The following HIP1 variants were observed in gnomAD, a reference collection of about 807,000 sequenced individuals.
HIP1 encodes the protein huntingtin interacting protein 1.
HIP1 carries 65 observed loss-of-function variants against 147.6 expected under a neutral mutation model. That is an observed-to-expected ratio of 0.44 (90% CI 0.36 to 0.54). The LOEUF (loss-of-function observed/expected upper bound fraction) is 0.54, where lower values mean the gene tolerates loss of function less well. Ranked by LOEUF, HIP1 falls within the 20% of genes least tolerant of loss-of-function variation. The probability of loss-of-function intolerance (pLI) is 0.00; values close to 1 mark genes in which losing one functional copy is unlikely to be tolerated. For missense variants in HIP1, 1,061 were observed against 1,299.6 expected (o/e 0.82, Z 2.82); for synonymous variants, 479 against 504.0 (o/e 0.95, Z 0.67).
rs116037722 is a variant in HIP1 at position 75,692,127 on chromosome 7, T to G, written c.120+46674A>C. On this transcript the variant is annotated intron_variant, in intron 1 of 30. Coordinates refer to ENST00000336926, the MANE Select transcript of HIP1 (RefSeq NM_005338.7). Reference sequence around the variant, plus strand: ...TAATAAGCAGCCAGCAGTTTCCAGTTTCCGTTGTCTCCCCCCGTCCCAATT... The same window carrying G: ...TAATAAGCAGCCAGCAGTTTCCAGTGTCCGTTGTCTCCCCCCGTCCCAATT... Among the ~76,000 whole-genome samples the G allele has an allele frequency of 2.5e-3, 385 of 152,272 alleles. 3 individuals carry two copies. Among genetic ancestry groups the G allele is most frequent in the African/African-American group, 8.7e-3 (362 of 41,562 alleles).
At chr7:75,645,194 G>A (rs1280902319) in intron 1 of HIP1, among the ~76,000 whole-genome samples, 1 of 151,876 alleles carries the variant, frequency 6.6e-6, no homozygotes, top group Non-Finnish European at 1.5e-5. Context: ...TACAAGGATT[G>A]TTTATTTTCT....
intron 7 of HIP1, among the ~76,000 whole-genome samples, chr7:75,574,254 T>C (rs868908667): frequency 2.8e-5 from 4 of 142,734 alleles, no homozygotes; most frequent in African/African-American, 5.2e-5. Flanking sequence ...GATCATGCTA[T>C]TGCACTCCAG....
chr7:75,657,592 T>C (rs1799182377), intron 1 of HIP1, among the ~76,000 whole-genome samples: 1 of 150,314 alleles, frequency 6.7e-6, no homozygotes, highest in African/African-American at 2.4e-5. Flanking sequence ...TGCAGCCACA[T>C]GGATGCAGCT....
chr7:75,640,337 G>A (rs1296999536), intron 1 of HIP1, among the ~76,000 whole-genome samples: 1 of 152,226 alleles, frequency 6.6e-6, no homozygotes, highest in Non-Finnish European at 1.5e-5. Context: ...CAGGGACTGG[G>A]GAGCAGGGCA....
intron 1 of HIP1, chr7:75,733,901 C>T: frequency 6.5e-6 from 1 of 154,778 alleles, no homozygotes; most frequent in Non-Finnish European, 1.4e-5. Context: ...ACTGCTTGAG[C>T]CCAGGAGTTC....
At chr7:75,621,901 T>G (rs1009573367) in intron 1 of HIP1, among the ~76,000 whole-genome samples, 2 of 152,092 alleles carry the variant, frequency 1.3e-5, no homozygotes, top group Admixed American at 1.3e-4. Flanking sequence ...AGAGTTGGTT[T>G]GGGGCTAGGT....
chr7:75,717,028 A>G (rs1254971273), intron 1 of HIP1, among the ~76,000 whole-genome samples: 2 of 152,056 alleles, frequency 1.3e-5, no homozygotes, highest in African/African-American at 4.8e-5. Context: ...TATATTGCCC[A>G]GGCTGGTCTC....
chr7:75,563,415 A>T, intron 9 of HIP1, 152 bp from the exon 10 acceptor site: 1 of 635,910 alleles, frequency 1.6e-6, no homozygotes. Flanking sequence ...TTCAATTATG[A>T]TGCTGCAGAG....
chr7:75,694,071 C>T (rs1300766079), intron 1 of HIP1, among the ~76,000 whole-genome samples: 1 of 151,834 alleles, frequency 6.6e-6, no homozygotes, highest in Non-Finnish European at 1.5e-5. Flanking sequence ...AGGCACGTGC[C>T]ACCACACCCG....
At chr7:75,621,239 T>C (rs1394407464) in intron 1 of HIP1, among the ~76,000 whole-genome samples, 3 of 151,944 alleles carry the variant, frequency 2.0e-5, no homozygotes, top group African/African-American at 7.2e-5. Flanking sequence ...GAAGTGAGCC[T>C]GGTACACACC....
rs931476710 is a variant in HIP1 at position 75,559,262 on chromosome 7, G to A, written c.1375+470C>T. ...CAAGAGTAGCTGGGACTACAGGCAC[G>A]TGCCACCATGCCCGGCTAGTCTTTT... On this transcript the variant is annotated intron_variant, in intron 14 of 30. Coordinates refer to ENST00000336926, the MANE Select transcript of HIP1 (RefSeq NM_005338.7). 4.6e-5 allele frequency among the ~76,000 whole-genome samples: 7 copies of A among 152,182 alleles called. No homozygotes were observed. The South Asian group carries it at 1.2e-3, about 27-fold the overall frequency.
At chr7:75,700,319 CA>C (rs1174204444) in intron 1 of HIP1, among the ~76,000 whole-genome samples, 2 of 152,154 alleles carry the variant, frequency 1.3e-5, no homozygotes, top group African/African-American at 4.8e-5. Context: ...GCAATCAAGC[CA>C]GGTTCAGCCC....
chr7:75,714,111 C>T (rs1294426476), intron 1 of HIP1, among the ~76,000 whole-genome samples: 1 of 151,848 alleles, frequency 6.6e-6, no homozygotes, highest in African/African-American at 2.4e-5. Flanking sequence ...GCCATCTTGG[C>T]TCACTGCAAC....
chr7:75,545,406 C>T (rs1443822337), intron 25 of HIP1, among the ~76,000 whole-genome samples: 3 of 152,138 alleles, frequency 2.0e-5, no homozygotes, highest in Non-Finnish European at 4.4e-5. Flanking sequence ...CTTTGGGAGG[C>T]TGAGGCAGGT....
chr7:75,574,888 A>C (rs1239664496), intron 7 of HIP1, among the ~76,000 whole-genome samples: 3 of 151,304 alleles, frequency 2.0e-5, no homozygotes, highest in Non-Finnish European at 4.4e-5. Context: ...AGCCAGGTGC[A>C]GTGGCTCACG....
chr7:75,694,915 G>A (rs868915728), intron 1 of HIP1, among the ~76,000 whole-genome samples: 1 of 58,142 alleles, frequency 1.7e-5, no homozygotes, highest in Non-Finnish European at 3.1e-5. Flanking sequence ...TCTGCATTCT[G>A]GTGAGTTCTT....
intron 1 of HIP1, among the ~76,000 whole-genome samples, chr7:75,666,634 A>G (rs1799567613): frequency 1.3e-5 from 2 of 152,236 alleles, no homozygotes; most frequent in African/African-American, 4.8e-5. Context: ...AAGGTTAGAT[A>G]GAGCGGGTGT....
intron 1 of HIP1, among the ~76,000 whole-genome samples, chr7:75,600,095 G>A (rs1478496604): frequency 6.6e-6 from 1 of 150,686 alleles, no homozygotes; most frequent in Non-Finnish European, 1.5e-5. Context: ...GAACCCCAAA[G>A]TTCTGGGATT....
intron 1 of HIP1, among the ~76,000 whole-genome samples, chr7:75,608,459 G>T (rs1438325079): frequency 6.6e-6 from 1 of 152,148 alleles, no homozygotes. Context: ...CACAGATAAG[G>T]CCATGCGTGA....
Sources: gnomAD v4.1 joint callset for allele counts (sites outside exome capture counted in the v4.1 genomes callset) on GRCh38, gnomAD v4.1.1 for gene constraint, MANE v1.5 for transcripts, NCBI Gene and HGNC (gene_info 2026-07-23, HGNC 2026-07-21) for gene names.